Variants in MTM1 observed in about 807,000 individuals in gnomAD.
MTM1 encodes the protein myotubularin 1, also known as myotubularin.
Under a neutral mutation model 52.1 loss-of-function variants are expected in MTM1, and 9 were observed. That is an observed-to-expected ratio of 0.17 (90% CI 0.10 to 0.30). The LOEUF (loss-of-function observed/expected upper bound fraction) is 0.30. Among genes scored for constraint, MTM1 ranks in the 10% least tolerant of loss-of-function variants. MTM1 has a pLI of 1.00. For missense variants in MTM1, 277 were observed against 470.7 expected (o/e 0.59, Z 3.81); for synonymous variants, 136 against 163.8 (o/e 0.83, Z 1.29).
chrX:150,654,804 G>A (rs1177744692), intron 10 of MTM1, among the ~76,000 whole-genome samples: 2 of 111,454 alleles, frequency 1.8e-5, no homozygotes, highest in Admixed American at 1.9e-4. Context: ...TAAAATAAGC[G>A]AATTTCCATT....
At chrX:150,615,986 G>A (rs1386668442) in intron 5 of MTM1, among the ~76,000 whole-genome samples, 1 of 111,214 alleles carries the variant, frequency 9.0e-6, no homozygotes, top group Admixed American at 9.6e-5. Context: ...GGATTTATGG[G>A]AGTAGAGTGT....
At chrX:150,621,554 A>G (rs1603162365) in intron 6 of MTM1, among the ~76,000 whole-genome samples, 1 of 109,347 alleles carries the variant, frequency 9.1e-6, no homozygotes, top group East Asian at 2.9e-4. Context: ...TGTGCCCTAC[A>G]CTGCAGCTGC....
upstream of MTM1, among the ~76,000 whole-genome samples, chrX:150,566,585 G>T (rs1339271620): frequency 9.0e-6 from 1 of 110,875 alleles, no homozygotes; most frequent in Non-Finnish European, 1.9e-5. Context: ...GGCCCTTTCT[G>T]GTTGAATTGC....
chrX:150,563,549 G>A (rs1220907941), upstream of MTM1, among the ~76,000 whole-genome samples: 8 of 102,829 alleles, frequency 7.8e-5, no homozygotes, highest in African/African-American at 2.5e-4. Context: ...TCCTGACCTC[G>A]TGATCTGCTT....
At chrX:150,627,874 A>G (rs1205380950) in intron 6 of MTM1, among the ~76,000 whole-genome samples, 1 of 112,135 alleles carries the variant, frequency 8.9e-6, no homozygotes, top group Non-Finnish European at 1.9e-5. Context: ...TTAAATTCTC[A>G]GGTTGGATGT....
chrX:150,587,171 G>A (rs2038805159), intron 1 of MTM1, among the ~76,000 whole-genome samples: 1 of 110,643 alleles, frequency 9.0e-6, no homozygotes, highest in Non-Finnish European at 1.9e-5. Flanking sequence ...GTAGGTGGGC[G>A]CATAGTGGCA....
intron 7 of MTM1, among the ~76,000 whole-genome samples, chrX:150,640,335 T>C (rs2039827256): frequency 8.9e-6 from 1 of 111,937 alleles, no homozygotes; most frequent in Non-Finnish European, 1.9e-5. Context: ...TAGACTGCCA[T>C]TATATTCAAT....
At chrX:150,643,855 C>A (rs2039886680) in intron 8 of MTM1, among the ~76,000 whole-genome samples, 1 of 111,498 alleles carries the variant, frequency 9.0e-6, no homozygotes, top group Admixed American at 9.5e-5. Context: ...TAATACAGTG[C>A]CATATACTGT....
At chrX:150,580,535 T>C (rs1557411839) in intron 1 of MTM1, among the ~76,000 whole-genome samples, 3 of 101,268 alleles carry the variant, frequency 3.0e-5, no homozygotes, top group South Asian at 4.0e-4. Context: ...TATTTCTGCC[T>C]TTTTTTTTTT....
At chrX:150,616,847 C>T (rs1196109559) in intron 5 of MTM1, among the ~76,000 whole-genome samples, 1 of 111,884 alleles carries the variant, frequency 8.9e-6, no homozygotes, top group Non-Finnish European at 1.9e-5. Context: ...TCTTCAGAGT[C>T]GTTGCAGCAG....
At chrX:150,649,192 C>T (rs1271385759) in intron 9 of MTM1, among the ~76,000 whole-genome samples, 1 of 112,199 alleles carries the variant, frequency 8.9e-6, no homozygotes, top group Non-Finnish European at 1.9e-5. Flanking sequence ...TGTTAAGTGC[C>T]TTGTCCCAGA....
At chrX:150,659,865 G>A in intron 12 of MTM1, 109 bp downstream of exon 12, 1 of 649,933 alleles carries the variant, frequency 1.5e-6, no homozygotes, top group Non-Finnish European at 2.5e-6. Flanking sequence ...AGCTAGAGAT[G>A]AAGCAAGACT....
At chrX:150,569,835 C>T (rs2038335140) in intron 1 of MTM1, among the ~76,000 whole-genome samples, 1 of 112,275 alleles carries the variant, frequency 8.9e-6, no homozygotes, top group Non-Finnish European at 1.9e-5. Flanking sequence ...TTTGCAGACA[C>T]GTTTGCCTTC....
intron 14 of MTM1, among the ~76,000 whole-genome samples, chrX:150,666,281 C>T (rs782450530): frequency 3.6e-5 from 4 of 112,037 alleles, no homozygotes; most frequent in Non-Finnish European, 5.6e-5. Flanking sequence ...CTTTTACCTG[C>T]TCTAAGTGGT....
At chrX:150,592,146 A>G (rs2038895854) in intron 1 of MTM1, among the ~76,000 whole-genome samples, 1 of 112,380 alleles carries the variant, frequency 8.9e-6, no homozygotes, top group Admixed American at 9.4e-5. Context: ...ATTTGGAGAA[A>G]ACAAAATTCT....
intron 4 of MTM1, among the ~76,000 whole-genome samples, chrX:150,608,557 C>T (rs2039212814): frequency 9.0e-6 from 1 of 111,249 alleles, no homozygotes; most frequent in South Asian, 3.8e-4. Flanking sequence ...TTGTATATAT[C>T]GTGTGCAACG....
intron 4 of MTM1, among the ~76,000 whole-genome samples, chrX:150,610,487 G>A (rs1365635803): frequency 6.2e-5 from 7 of 112,068 alleles, no homozygotes; most frequent in Non-Finnish European, 1.1e-4. Context: ...ATTACTTTAG[G>A]TAGTTAGAAG....
intron 6 of MTM1, among the ~76,000 whole-genome samples, chrX:150,621,646 C>T (rs1321660966): frequency 1.8e-5 from 2 of 111,177 alleles, no homozygotes; most frequent in African/African-American, 6.6e-5. Context: ...GCAGTCCCCT[C>T]GTCTCTTGCT....
intron 6 of MTM1, among the ~76,000 whole-genome samples, chrX:150,620,223 A>G (rs1408410122): frequency 6.3e-5 from 7 of 111,893 alleles, no homozygotes; most frequent in African/African-American, 2.3e-4. Context: ...TCAGAAATTG[A>G]CAGAATGGCA....
Sources: allele counts gnomAD v4.1 joint callset (sites outside exome capture counted in the v4.1 genomes callset), GRCh38; gene constraint gnomAD v4.1.1; transcripts MANE v1.5; gene names NCBI Gene and HGNC (gene_info 2026-07-23, HGNC 2026-07-21).